The following ATP10B variants were observed in gnomAD, a reference collection of about 807,000 sequenced individuals.
The protein encoded by ATP10B is ATPase phospholipid transporting 10B (putative), also known as phospholipid-transporting ATPase VB.
A neutral mutation model predicts 141.2 loss-of-function variants in ATP10B; 122 were observed. The ratio of observed to expected loss-of-function variants is 0.86; its 90% CI spans 0.75 to 1.00. The LOEUF (loss-of-function observed/expected upper bound fraction) is 1.00. Among genes scored for constraint, ATP10B ranks in the 50% least tolerant of loss-of-function variants. ATP10B has a pLI of 0.00. For synonymous variants in ATP10B, 685 were observed against 692.0 expected, an observed-to-expected ratio of 0.99 and a Z score of 0.16; for missense variants, 1,876 against 1,825.3, an observed-to-expected ratio of 1.03 and a Z score of -0.51.
At position 160,597,740 on chromosome 5, in the gene ATP10B, T is replaced by C. The variant is rs143712446; in HGVS notation, c.3564+1030A>G. Among the ~76,000 whole-genome samples, 122 of 152,170 alleles carry C rather than the reference T, an allele frequency of 8.0e-4. 1 individual carries two copies. The East Asian group carries it at 0.016, about 20-fold the overall frequency. On this transcript the variant is annotated intron_variant, in intron 22 of 25. Coordinates refer to ENST00000327245, the MANE Select transcript of ATP10B (RefSeq NM_025153.3). ...CCCATCAAAAAGTGGGCAAAGGACA[T>C]GAACAGATACTTCTCAAAAGAAGAC...
At chr5:160,807,136 C>T (rs1234961551) in intron 1 of ATP10B, among the ~76,000 whole-genome samples, 3 of 152,178 alleles carry the variant, frequency 2.0e-5, no homozygotes, top group Admixed American at 6.5e-5. Context: ...ATGGAAATTA[C>T]AAGGGAGAAA....
intron 1 of ATP10B, among the ~76,000 whole-genome samples, chr5:160,803,904 T>C (rs976982442): frequency 1.3e-5 from 2 of 151,484 alleles, no homozygotes; most frequent in South Asian, 2.1e-4. Context: ...TGTCAGAGAC[T>C]ATGCTAGAGG....
the ATP10B span, among the ~76,000 whole-genome samples, chr5:160,897,120 T>G: frequency 6.6e-6 from 1 of 152,328 alleles, no homozygotes; most frequent in African/African-American, 2.4e-5. Flanking sequence ...GCATTCCCTT[T>G]GAAAAACAGT....
At chr5:160,572,643 G>C (rs1215105254) in intron 24 of ATP10B, among the ~76,000 whole-genome samples, 2 of 152,140 alleles carry the variant, frequency 1.3e-5, no homozygotes, top group Non-Finnish European at 2.9e-5. Flanking sequence ...ATATAATGTT[G>C]AGTTCTGATT....
intron 1 of ATP10B, among the ~76,000 whole-genome samples, chr5:160,823,839 A>G (rs967436595): frequency 6.6e-6 from 1 of 152,134 alleles, no homozygotes; most frequent in African/African-American, 2.4e-5. Context: ...GTCTCCAAAA[A>G]ACAAACAAAA....
intron 1 of ATP10B, among the ~76,000 whole-genome samples, chr5:160,797,384 G>C (rs1005348715): frequency 6.6e-6 from 1 of 152,084 alleles, no homozygotes; most frequent in African/African-American, 2.4e-5. Context: ...CTCCACTCCC[G>C]AGACCACTAG....
intron 3 of ATP10B, among the ~76,000 whole-genome samples, chr5:160,698,309 AT>A (rs1463999748): frequency 1.3e-5 from 2 of 151,904 alleles, no homozygotes; most frequent in South Asian, 2.1e-4. Flanking sequence ...AGTTTTATCC[AT>A]TTTTTCCCTT....
At chr5:160,751,424 T>G (rs1768142857) in intron 2 of ATP10B, among the ~76,000 whole-genome samples, 1 of 152,188 alleles carries the variant, frequency 6.6e-6, no homozygotes, top group Non-Finnish European at 1.5e-5. Flanking sequence ...TCTTCCACAG[T>G]GACAGGATGA....
At chr5:160,813,736 T>C in intron 1 of ATP10B, among the ~76,000 whole-genome samples, 1 of 152,092 alleles carries the variant, frequency 6.6e-6, no homozygotes, top group Non-Finnish European at 1.5e-5. Flanking sequence ...CACCCCCCAG[T>C]AGGGGCAGAC....
At chr5:160,704,833 C>G (rs374606787) in intron 3 of ATP10B, among the ~76,000 whole-genome samples, 1 of 150,298 alleles carries the variant, frequency 6.7e-6, no homozygotes, top group Non-Finnish European at 1.5e-5. Context: ...CTTGCAGTCT[C>G]GCAGTTTTAT....
chr5:160,787,797 A>G (rs541292145), intron 1 of ATP10B, among the ~76,000 whole-genome samples: 2 of 152,168 alleles, frequency 1.3e-5, no homozygotes, highest in Admixed American at 6.5e-5. Context: ...TTCCCTGTCT[A>G]TCAAATAAGG....
intron 1 of ATP10B, among the ~76,000 whole-genome samples, chr5:160,831,959 T>C (rs17058335): frequency 0.039 from 6,000 of 152,190 alleles, 136 homozygotes; most frequent in South Asian, 0.089. Flanking sequence ...GAATTTCCAA[T>C]CTAACTTGAA....
At chr5:160,809,167 A>G (rs529209105) in intron 1 of ATP10B, among the ~76,000 whole-genome samples, 8 of 152,212 alleles carry the variant, frequency 5.3e-5, no homozygotes, top group Non-Finnish European at 1.0e-4. Flanking sequence ...TTTAGGCTTT[A>G]TAGGCACTAG....
Position 160,716,922 on chromosome 5 carries a change from C to A in ATP10B, c.-218G>T, listed in dbSNP as rs1420556483. On this transcript the variant is annotated 5_prime_UTR_variant, in exon 3 of 26. Transcript: ENST00000327245. ...CAAAAGATATACCTGTTAGCGGAGT[C>A]CCTTTAAGGAGGTTAGACCAGTGAC... 1.0e-6 allele frequency: 1 copy of A among 985,260 alleles called. No individual in the cohort carries two copies. Among genetic ancestry groups the A allele is most frequent in the Non-Finnish European group, 1.2e-6 (1 of 829,930 alleles). The allele number at this position is 985,260 out of a possible 1,614,324, so 61.0% of individuals were successfully genotyped here. A position where few individuals can be genotyped will look rare whatever the true frequency, so the allele number is the denominator to read the frequency against.
At chr5:160,911,625 A>G in the ATP10B span, among the ~76,000 whole-genome samples, 1 of 152,214 alleles carries the variant, frequency 6.6e-6, no homozygotes, top group African/African-American at 2.4e-5. Context: ...TGCTGCATTG[A>G]TAGCCTGTGA....
chr5:160,776,024 A>G (rs543682402), intron 2 of ATP10B, among the ~76,000 whole-genome samples: 1 of 152,270 alleles, frequency 6.6e-6, no homozygotes, highest in African/African-American at 2.4e-5. Flanking sequence ...AGCACCCACT[A>G]GTATCCTATA....
intron 7 of ATP10B, among the ~76,000 whole-genome samples, chr5:160,652,974 A>ATATATTATATATACATGTATATATAT (rs1320191256): frequency 2.0e-5 from 2 of 100,176 alleles, no homozygotes; most frequent in Non-Finnish European, 3.6e-5. Flanking sequence ...TGTATATATA[A>ATATATTATATATACATGTATATATAT]TATATACATA....
chr5:160,921,850 TG>T, the ATP10B span, among the ~76,000 whole-genome samples: 39 of 152,334 alleles, frequency 2.6e-4, no homozygotes, highest in African/African-American at 9.1e-4. Context: ...GCTTCCCTTT[TG>T]GGCCTCATGA....
Position 160,620,499 on chromosome 5 carries a change from C to A in ATP10B, c.2264G>T (p.Cys755Phe). The change falls in exon 15 of 26, where the codon TGC becomes TTC. Residue 755 changes from cysteine (C) to phenylalanine (F), a missense_variant. Physicochemically the swap from Cys to Phe is radical, Grantham distance 205. Coordinates refer to ENST00000327245, the MANE Select transcript of ATP10B (RefSeq NM_025153.3). Reference protein sequence around the residue: ...QVTVRLPQGTCLTFSLLCTLG... With the variant: ...QVTVRLPQGTFLTFSLLCTLG... Reference sequence around the variant, plus strand: ...GGTGCAGAGGAGGCTGAAGGTGAGGCAGGTGCCCTGGGGCAGGCGCACAGT... The same window carrying A: ...GGTGCAGAGGAGGCTGAAGGTGAGGAAGGTGCCCTGGGGCAGGCGCACAGT... 1 of 1,614,196 alleles carries A rather than the reference C, an allele frequency of 6.2e-7. No individual in the cohort carries two copies. Among genetic ancestry groups the A allele is most frequent in the East Asian group, 2.2e-5 (1 of 44,878 alleles).
Sources: gnomAD v4.1 joint callset for allele counts (sites outside exome capture counted in the v4.1 genomes callset) on GRCh38, gnomAD v4.1.1 for gene constraint, MANE v1.5 for transcripts, NCBI Gene and HGNC (gene_info 2026-07-23, HGNC 2026-07-21) for gene names.